INTS4: variants seen among roughly 807,000 people sequenced by gnomAD.
INTS4 encodes the protein MSTP093.
INTS4 carries 70 observed loss-of-function variants against 119.5 expected under a neutral mutation model. The ratio of observed to expected loss-of-function variants is 0.59; its 90% CI spans 0.48 to 0.71. INTS4 has a LOEUF of 0.71. Among genes scored for constraint, INTS4 ranks in the 30% least tolerant of loss-of-function variants. The probability of loss-of-function intolerance (pLI) is 0.00; values close to 1 mark genes in which losing one functional copy is unlikely to be tolerated. For missense variants in INTS4, 867 were observed against 1,173.2 expected (o/e 0.74, Z 3.81); for synonymous variants, 316 against 419.6 (o/e 0.75, Z 3.02).
In INTS4 at chr11:77,928,449, C is replaced by T; in HGVS notation, c.1264G>A (p.Asp422Asn). The T allele has an allele frequency of 6.2e-7, 1 of 1,612,392 alleles. No homozygotes were observed. Among genetic ancestry groups the T allele is most frequent in the Non-Finnish European group, 8.5e-7 (1 of 1,178,964 alleles). Reference protein sequence around the residue: ...CLDFLVDMFNDEIEEVRLQSI... With the variant: ...CLDFLVDMFNNEIEEVRLQSI... ...TGCAGACGTACTTCCTCAATTTCAT[C>T]GTTGAACATGTCAACTAGGAAATCA... Residue 422 changes from aspartate (D) to asparagine (N), a missense_variant, in exon 11 of 23, where the codon GAT (aspartate) becomes AAT (asparagine). Coordinates refer to ENST00000534064, the MANE Select transcript of INTS4 (RefSeq NM_033547.4).
At chr11:77,915,245 T>C (rs1316965488) in intron 15 of INTS4, 2 of 152,802 alleles carry the variant, frequency 1.3e-5, no homozygotes, top group Non-Finnish European at 2.9e-5. Context: ...AGGATTTTCT[T>C]GTTGAACTGT....
intron 22 of INTS4, among the ~76,000 whole-genome samples, chr11:77,879,924 T>C (rs1378761085): frequency 2.0e-5 from 3 of 152,142 alleles, no homozygotes; most frequent in Non-Finnish European, 4.4e-5. Flanking sequence ...AGAAAGACTG[T>C]CACAATCTTG....
intron 22 of INTS4, among the ~76,000 whole-genome samples, chr11:77,882,743 C>A (rs777337360): frequency 6.6e-6 from 1 of 152,134 alleles, no homozygotes; most frequent in Non-Finnish European, 1.5e-5. Context: ...TTCATAAAGT[C>A]ATCATTACCC....
chr11:77,923,925 C>A (rs868228819), intron 12 of INTS4, among the ~76,000 whole-genome samples: 1 of 150,142 alleles, frequency 6.7e-6, no homozygotes, highest in African/African-American at 2.4e-5. Flanking sequence ...CCACTAGGCC[C>A]GGCAGATTTT....
At chr11:77,956,175 C>T (rs1267807608) in intron 7 of INTS4, 113 bp from the exon 8 acceptor site, 13 of 1,244,552 alleles carry the variant, frequency 1.0e-5, no homozygotes, top group Non-Finnish European at 1.3e-5. Flanking sequence ...TTGGGAGGCC[C>T]AGGCAGGTAG....
intron 7 of INTS4, among the ~76,000 whole-genome samples, chr11:77,956,547 A>G (rs553286446): frequency 2.0e-3 from 309 of 152,128 alleles, no homozygotes; most frequent in African/African-American, 7.0e-3. Context: ...TCTCTACTAA[A>G]AATATAAAAA....
chr11:77,984,279 C>A (rs1347367289), intron 2 of INTS4, among the ~76,000 whole-genome samples: 1 of 152,008 alleles, frequency 6.6e-6, no homozygotes, highest in Non-Finnish European at 1.5e-5. Context: ...GATCACCCTA[C>A]GTCAGGAAGT....
chr11:77,986,246 C>T lies in INTS4; in HGVS notation c.247-4670G>A, dbSNP rs576608978. 2.6e-5 allele frequency among the ~76,000 whole-genome samples: 4 copies of T among 152,300 alleles called. No homozygotes were observed. The East Asian group carries it at 7.7e-4, about 29-fold the overall frequency. On this transcript the variant is annotated intron_variant, in intron 2 of 22. Coordinates refer to ENST00000534064, the MANE Select transcript of INTS4 (RefSeq NM_033547.4). ...CAACAGACACATGAAAAAATGCTCA[C>T]CATCACTGGTCATCAGAGAAATGCA...
At position 77,888,314 on chromosome 11, in the gene INTS4, G is replaced by A. The variant is rs553730035; in HGVS notation, c.2592+3005C>T. ...TCTTTGACAAACCTGACAAAAACAA[G>A]CAATGGGGAAAGGATTCCCTATTTA... On this transcript the variant is annotated intron_variant, in intron 21 of 22. Transcript: ENST00000534064. 1.6e-3 allele frequency among the ~76,000 whole-genome samples: 249 copies of A among 152,268 alleles called. 1 individual carries two copies. Among genetic ancestry groups the A allele is most frequent in the African/African-American group, 5.8e-3 (239 of 41,540 alleles).
At chr11:77,898,830 G>A (rs1371665358) in intron 18 of INTS4, among the ~76,000 whole-genome samples, 1 of 152,014 alleles carries the variant, frequency 6.6e-6, no homozygotes, top group Non-Finnish European at 1.5e-5. Flanking sequence ...GACCAGCATG[G>A]CCAACATGGT....
chr11:77,972,676 C>T lies in INTS4; in HGVS notation c.471+6320G>A, dbSNP rs147596238. Among the ~76,000 whole-genome samples, 71 of 152,198 alleles carry T rather than the reference C, an allele frequency of 4.7e-4. 1 individual carries two copies. The East Asian group carries it at 0.013, about 27-fold the overall frequency. On this transcript the variant is annotated intron_variant, in intron 4 of 22. Coordinates refer to ENST00000534064, the MANE Select transcript of INTS4 (RefSeq NM_033547.4). ...AAGTGATCTGCCTACCACGGCCTCC[C>T]AAAGTGCTAGGATTACAGGCGTGAG... is the stretch of plus-strand genomic sequence containing the variant.
chr11:77,898,823 C>G (rs1289532363), intron 18 of INTS4, among the ~76,000 whole-genome samples: 1 of 152,066 alleles, frequency 6.6e-6, no homozygotes, highest in Non-Finnish European at 1.5e-5. Flanking sequence ...AGTTTGAGAC[C>G]AGCATGGCCA....
At chr11:77,920,796 G>A (rs1953340979) in intron 14 of INTS4, among the ~76,000 whole-genome samples, 1 of 151,952 alleles carries the variant, frequency 6.6e-6, no homozygotes, top group African/African-American at 2.4e-5. Context: ...AGCTTGCAGT[G>A]AGCCGAGATC....
chr11:77,894,496 T>G, intron 18 of INTS4, 147 bp from the exon 19 acceptor site: 3 of 538,920 alleles, frequency 5.6e-6, no homozygotes, highest in Non-Finnish European at 1.0e-5. Flanking sequence ...AGACTCCTAA[T>G]GGACCTGGGG....
At chr11:77,993,447 A>G (rs1218890293) in intron 1 of INTS4, among the ~76,000 whole-genome samples, 1 of 152,232 alleles carries the variant, frequency 6.6e-6, no homozygotes, top group African/African-American at 2.4e-5. Context: ...ATATGCAAAC[A>G]CAAGAACACA....
downstream of INTS4, chr11:77,876,983 G>T: frequency 1.4e-6 from 1 of 703,350 alleles, no homozygotes; most frequent in South Asian, 1.5e-5. Context: ...AGGTGTTCAT[G>T]TCAGGGCTGT....
intron 22 of INTS4, among the ~76,000 whole-genome samples, chr11:77,882,796 C>G (rs748747462): frequency 6.6e-6 from 1 of 152,172 alleles, no homozygotes; most frequent in South Asian, 2.1e-4. Flanking sequence ...AAAGGCCCAG[C>G]GCAGTGGCTC....
In INTS4 at chr11:77,878,797, C is replaced by A. The variant is rs1344166831; in HGVS notation, c.*152G>T. ...GGTTTTTTATTTTTTAATGAAGAAA[C>A]AATTTATCCTGTGTTTGATACCAGA... On this transcript the variant is annotated 3_prime_UTR_variant, in exon 23 of 23. Coordinates refer to ENST00000534064, the MANE Select transcript of INTS4 (RefSeq NM_033547.4). 1 of 733,750 alleles carries A rather than the reference C, an allele frequency of 1.4e-6. No individual in the cohort carries two copies. The highest frequency in any genetic ancestry group is 2.5e-6 in the Non-Finnish European group (1 of 406,700). 45.5% of individuals were successfully genotyped at this position (733,750 alleles called of 1,614,324 possible). A position where few individuals can be genotyped will look rare whatever the true frequency, so the allele number is the denominator to read the frequency against.
At chr11:77,961,717 T>A (rs1275161295) in intron 4 of INTS4, among the ~76,000 whole-genome samples, 1 of 152,220 alleles carries the variant, frequency 6.6e-6, no homozygotes, top group Non-Finnish European at 1.5e-5. Context: ...ATTTTTGTAC[T>A]TTATGAAATC....
Sources: gnomAD v4.1 joint callset for allele counts (sites outside exome capture counted in the v4.1 genomes callset) on GRCh38, gnomAD v4.1.1 for gene constraint, MANE v1.5 for transcripts, NCBI Gene and HGNC (gene_info 2026-07-23, HGNC 2026-07-21) for gene names.